Variants in UNC5D observed in about 807,000 individuals in gnomAD.
UNC5D encodes the protein netrin receptor UNC5D.
Under a neutral mutation model 105.4 loss-of-function variants are expected in UNC5D, and 39 were observed. The observed-to-expected ratio is 0.37, with a 90% CI of 0.29 to 0.48. The LOEUF (loss-of-function observed/expected upper bound fraction) is 0.48. UNC5D is among the 20% of genes least tolerant of loss of function. The probability of loss-of-function intolerance (pLI) is 0.98; values close to 1 mark genes in which losing one functional copy is unlikely to be tolerated. For missense variants in UNC5D, 991 were observed against 1,202.4 expected, an observed-to-expected ratio of 0.82 and a Z score of 2.60; for synonymous variants, 452 against 450.4, an observed-to-expected ratio of 1.00 and a Z score of -0.04.
chr8:35,336,791 G>GTTTTTTTTTTTT (rs11404669), intron 1 of UNC5D, among the ~76,000 whole-genome samples: 2 of 147,610 alleles, frequency 1.4e-5, no homozygotes, highest in Non-Finnish European at 1.5e-5. Flanking sequence ...AGGAAATAGT[G>GTTTTTTTTTTTT]TTTTTTTTTT....
At position 35,668,390 on chromosome 8, in the gene UNC5D, G is replaced by A. The variant is rs146614527; in HGVS notation, c.571-15157G>A. On this transcript the variant is annotated intron_variant, in intron 4 of 16. Coordinates refer to ENST00000404895, the MANE Select transcript of UNC5D (RefSeq NM_080872.4). ...ATATCATCCTTTATGTTGGTATAACGACACTTTGTCATGCTGCAAACATTT... is the reference window on the plus strand; with the variant it reads ...ATATCATCCTTTATGTTGGTATAACAACACTTTGTCATGCTGCAAACATTT... 5.8e-3 allele frequency among the ~76,000 whole-genome samples: 887 copies of A among 152,092 alleles called. 4 individuals are homozygous for A. Among genetic ancestry groups the A allele is most frequent in the African/African-American group, 0.021 (856 of 41,530 alleles).
At position 35,739,176 on chromosome 8, in the gene UNC5D, C is replaced by T. The variant is rs557223876; in HGVS notation, c.1766+8080C>T. On this transcript the variant is annotated intron_variant, in intron 11 of 16. Coordinates refer to ENST00000404895, the MANE Select transcript of UNC5D (RefSeq NM_080872.4). The stretch of plus-strand genomic sequence containing the variant: ...AATTTATCAAATAGTATCTTAATGG[C>T]CTAGAAGGGTTAATGCACCTTTAGC... Among the ~76,000 whole-genome samples the T allele has an allele frequency of 7.9e-5, 12 of 152,192 alleles. No homozygotes were observed. In the South Asian group the frequency reaches 2.3e-3, roughly 29 times the overall value.
At chr8:35,365,812 T>G (rs1272277369) in intron 1 of UNC5D, among the ~76,000 whole-genome samples, 1 of 152,110 alleles carries the variant, frequency 6.6e-6, no homozygotes, top group Non-Finnish European at 1.5e-5. Context: ...ATCTAGTGAA[T>G]GCTTTGAGTG....
At chr8:35,746,617 T>C (rs1285735809) in intron 11 of UNC5D, among the ~76,000 whole-genome samples, 1 of 152,212 alleles carries the variant, frequency 6.6e-6, no homozygotes, top group East Asian at 1.9e-4. Context: ...AAGTTACCAC[T>C]GTGAAAGGAG....
intron 2 of UNC5D, among the ~76,000 whole-genome samples, chr8:35,565,019 T>G (rs909649164): frequency 2.0e-5 from 3 of 152,206 alleles, no homozygotes; most frequent in African/African-American, 7.2e-5. Context: ...TGATTCCCTA[T>G]CTTTGCAATT....
intron 1 of UNC5D, among the ~76,000 whole-genome samples, chr8:35,259,895 C>T (rs555331196): frequency 3.9e-5 from 6 of 152,012 alleles, no homozygotes; most frequent in South Asian, 2.1e-4. Context: ...GAAACTGTTC[C>T]GCTGTAGCTG....
intron 1 of UNC5D, among the ~76,000 whole-genome samples, chr8:35,405,207 T>G (rs536102177): frequency 2.0e-5 from 3 of 152,182 alleles, no homozygotes; most frequent in Admixed American, 6.5e-5. Context: ...TGCACCCAGA[T>G]AATGGGGAAA....
At chr8:35,687,996 G>C (rs1393720840) in intron 7 of UNC5D, among the ~76,000 whole-genome samples, 1 of 152,008 alleles carries the variant, frequency 6.6e-6, no homozygotes, top group Non-Finnish European at 1.5e-5. Flanking sequence ...GCTGGGCGTG[G>C]TGGCAGGCAC....
Position 35,748,739 on chromosome 8 carries a change from C to T in UNC5D, c.1935+44C>T, listed in dbSNP as rs545668868. ...TTTTTTAAACAGTGGGATTTGGGTT[C>T]CACCTATGGGATATATTTAACCTTA... On this transcript the variant is annotated intron_variant, in intron 12 of 16. Transcript: ENST00000404895. 31 of 1,594,826 alleles carry T rather than the reference C, an allele frequency of 1.9e-5. No homozygotes were observed. In the African/African-American group the frequency reaches 4.0e-4, roughly 21 times the overall value.
At chr8:35,264,055 C>G (rs1034464361) in intron 1 of UNC5D, among the ~76,000 whole-genome samples, 41 of 152,130 alleles carry the variant, frequency 2.7e-4, no homozygotes, top group African/African-American at 9.7e-4. Flanking sequence ...AATGGGTCAT[C>G]CTTTGTTTGG....
chr8:35,705,904 CTTTT>C (rs773639415), intron 7 of UNC5D, 21 bp from the exon 8 acceptor site: 11 of 1,309,136 alleles, frequency 8.4e-6, no homozygotes, highest in Middle Eastern at 1.9e-4. Flanking sequence ...ATGCAACTTT[CTTTT>C]TCTTTCTTTC....
At chr8:35,259,348 A>C (rs1804288448) in intron 1 of UNC5D, among the ~76,000 whole-genome samples, 1 of 152,178 alleles carries the variant, frequency 6.6e-6, no homozygotes, top group African/African-American at 2.4e-5. Flanking sequence ...GATTTTACCC[A>C]CATTGCAGTA....
chr8:35,236,180 G>T (rs1301971517), intron 1 of UNC5D, among the ~76,000 whole-genome samples: 1 of 152,162 alleles, frequency 6.6e-6, no homozygotes, highest in Non-Finnish European at 1.5e-5. Context: ...GCAGACTGGA[G>T]TAGCCCGGTC....
chr8:35,538,243 A>C (rs957951929), intron 1 of UNC5D, among the ~76,000 whole-genome samples: 1 of 151,348 alleles, frequency 6.6e-6, no homozygotes, highest in African/African-American at 2.4e-5. Context: ...CATGCGTGTG[A>C]TCTCCAGGTG....
chr8:35,314,861 G>C (rs1809168485), intron 1 of UNC5D, among the ~76,000 whole-genome samples: 1 of 152,114 alleles, frequency 6.6e-6, no homozygotes, highest in Non-Finnish European at 1.5e-5. Flanking sequence ...CACTACAGTG[G>C]GGTAAGCATG....
intron 1 of UNC5D, among the ~76,000 whole-genome samples, chr8:35,263,007 C>T (rs1804592766): frequency 6.6e-6 from 1 of 152,174 alleles, no homozygotes; most frequent in Admixed American, 6.5e-5. Flanking sequence ...GATGTATCCT[C>T]AGGCTACCAT....
intron 4 of UNC5D, among the ~76,000 whole-genome samples, chr8:35,605,122 G>A (rs1820197891): frequency 6.6e-6 from 1 of 152,144 alleles, no homozygotes; most frequent in Admixed American, 6.5e-5. Flanking sequence ...GAGAAGCTCT[G>A]CTTTTTAGAG....
intron 1 of UNC5D, among the ~76,000 whole-genome samples, chr8:35,360,388 A>G (rs1488813039): frequency 1.3e-5 from 2 of 152,202 alleles, no homozygotes; most frequent in Non-Finnish European, 2.9e-5. Flanking sequence ...AATTTTGTCA[A>G]ATCCTTCCTT....
intron 1 of UNC5D, among the ~76,000 whole-genome samples, chr8:35,266,274 G>C (rs1804864446): frequency 6.6e-6 from 1 of 152,104 alleles, no homozygotes; most frequent in Non-Finnish European, 1.5e-5. Context: ...GCTTTGTAAA[G>C]GTGCCTGAAA....
Sources: gnomAD v4.1 joint callset for allele counts (sites outside exome capture counted in the v4.1 genomes callset) on GRCh38, gnomAD v4.1.1 for gene constraint, MANE v1.5 for transcripts, NCBI Gene and HGNC (gene_info 2026-07-23, HGNC 2026-07-21) for gene names.